The following CORO2B variants were observed in gnomAD, a reference collection of about 807,000 sequenced individuals.
The protein encoded by CORO2B is coronin-2B.
Under a neutral mutation model 58.8 loss-of-function variants are expected in CORO2B, and 26 were observed. The ratio of observed to expected loss-of-function variants is 0.44; its 90% CI spans 0.32 to 0.61. CORO2B has a LOEUF of 0.61. Ranked by LOEUF, CORO2B falls within the 20% of genes least tolerant of loss-of-function variation. The probability of loss-of-function intolerance (pLI) is 0.04; values close to 1 mark genes in which losing one functional copy is unlikely to be tolerated. For synonymous variants in CORO2B, 242 were observed against 253.8 expected (o/e 0.95, Z 0.44); for missense variants, 460 against 645.1 (o/e 0.71, Z 3.11).
intron 6 of CORO2B, 78 bp downstream of exon 6, chr15:68,714,119 G>A: frequency 1.2e-5 from 11 of 931,824 alleles, no homozygotes; most frequent in Non-Finnish European, 1.9e-5. Flanking sequence ...CAGAAAGTCA[G>A]GAGCCTGGGC....
rs1382094833 is a variant in CORO2B, at chr15:68,670,833, C to T, written c.217-24307C>T. ...TGCTGTCAGGGTTATAGGGAAATGG[C>T]CATTCTCTTGAGTTGCTGACAGGAG... On this transcript the variant is annotated intron_variant, in intron 2 of 11. Transcript: ENST00000261861. Among the ~76,000 whole-genome samples, 3 of 152,232 alleles carry T rather than the reference C, an allele frequency of 2.0e-5. No homozygotes were observed. In the East Asian group the frequency reaches 5.8e-4, roughly 29 times the overall value.
At chr15:68,552,945 TGAA>T in the CORO2B span, among the ~76,000 whole-genome samples, 4 of 152,306 alleles carry the variant, frequency 2.6e-5, no homozygotes, top group East Asian at 5.8e-4. Context: ...CTTTAGGTGG[TGAA>T]GAAGCCAGGG....
chr15:68,540,754 C>T, the CORO2B span, among the ~76,000 whole-genome samples: 1 of 152,030 alleles, frequency 6.6e-6, no homozygotes. Context: ...TTTTAAACTG[C>T]AAGTGCATGG....
At chr15:68,652,071 C>T (rs1399209652) in intron 2 of CORO2B, among the ~76,000 whole-genome samples, 7 of 152,164 alleles carry the variant, frequency 4.6e-5, no homozygotes, top group Non-Finnish European at 7.4e-5. Flanking sequence ...ACGGCACAGC[C>T]GGGCATACAG....
chr15:68,680,407 C>T (rs1902742333), intron 2 of CORO2B, among the ~76,000 whole-genome samples: 1 of 152,164 alleles, frequency 6.6e-6, no homozygotes, highest in African/African-American at 2.4e-5. Flanking sequence ...ATAAAGCAAA[C>T]AACGCAAGAC....
At chr15:68,584,467 G>A (rs1381145694) in intron 1 of CORO2B, among the ~76,000 whole-genome samples, 1 of 152,168 alleles carries the variant, frequency 6.6e-6, no homozygotes, top group East Asian at 1.9e-4. Flanking sequence ...GAGTTTGGCT[G>A]GTTGGGAGTG....
intron 1 of CORO2B, among the ~76,000 whole-genome samples, chr15:68,581,230 A>G (rs1270632114): frequency 6.6e-6 from 1 of 152,116 alleles, no homozygotes; most frequent in East Asian, 1.9e-4. Flanking sequence ...CCAGCCCCCA[A>G]CAAACCCTCC....
At chr15:68,561,263 T>G in the CORO2B span, among the ~76,000 whole-genome samples, 2 of 152,168 alleles carry the variant, frequency 1.3e-5, no homozygotes, top group Non-Finnish European at 2.9e-5. Context: ...TATGCCACGC[T>G]GGGCGGCCCC....
intron 1 of CORO2B, chr15:68,641,584 C>T: frequency 1.0e-6 from 1 of 985,368 alleles, no homozygotes; most frequent in Non-Finnish European, 1.2e-6. Flanking sequence ...ACCTGGGGAA[C>T]CTGGGGTAAG....
chr15:68,690,243 T>C (rs1892324908), intron 2 of CORO2B, among the ~76,000 whole-genome samples: 1 of 152,184 alleles, frequency 6.6e-6, no homozygotes, highest in African/African-American at 2.4e-5. Flanking sequence ...TCAGGGCCTT[T>C]TTTTCTCTGG....
At chr15:68,665,595 A>G (rs900675109) in intron 2 of CORO2B, among the ~76,000 whole-genome samples, 18 of 151,734 alleles carry the variant, frequency 1.2e-4, no homozygotes, top group African/African-American at 4.1e-4. Context: ...AATATCCATG[A>G]TCATAGTTTA....
the CORO2B span, among the ~76,000 whole-genome samples, chr15:68,550,184 C>T: frequency 7.2e-5 from 11 of 151,930 alleles, no homozygotes; most frequent in African/African-American, 9.7e-5. Flanking sequence ...TTGCCTGGGG[C>T]GAATTTGAAG....
At chr15:68,673,320 G>C (rs892095884) in intron 2 of CORO2B, among the ~76,000 whole-genome samples, 2 of 151,438 alleles carry the variant, frequency 1.3e-5, no homozygotes, top group African/African-American at 4.9e-5. Context: ...AGGATTGCTT[G>C]AGCCCAGGAG....
At chr15:68,662,197 G>A (rs1352739972) in intron 2 of CORO2B, among the ~76,000 whole-genome samples, 2 of 151,954 alleles carry the variant, frequency 1.3e-5, no homozygotes, top group Non-Finnish European at 2.9e-5. Flanking sequence ...ACCACCCTTT[G>A]CTGATGTTAA....
intron 3 of CORO2B, among the ~76,000 whole-genome samples, chr15:68,698,309 G>A (rs1368514189): frequency 6.6e-6 from 1 of 152,176 alleles, no homozygotes; most frequent in Non-Finnish European, 1.5e-5. Context: ...CTGTCTTGAT[G>A]TAGGGGGGAC....
At chr15:68,585,653 C>T (rs1566978009) in intron 1 of CORO2B, among the ~76,000 whole-genome samples, 1 of 152,196 alleles carries the variant, frequency 6.6e-6, no homozygotes, top group Non-Finnish European at 1.5e-5. Flanking sequence ...CAACCCCCCA[C>T]CTACAACACA....
At chr15:68,538,189 A>G in the CORO2B span, among the ~76,000 whole-genome samples, 5 of 152,184 alleles carry the variant, frequency 3.3e-5, no homozygotes, top group African/African-American at 1.2e-4. Context: ...ATTGATCCCA[A>G]TAATTTTTTC....
chr15:68,652,264 G>A (rs1901666759), intron 2 of CORO2B, among the ~76,000 whole-genome samples: 1 of 152,154 alleles, frequency 6.6e-6, no homozygotes, highest in Non-Finnish European at 1.5e-5. Context: ...TTAACATTCA[G>A]CTGCCAGCTC....
intron 2 of CORO2B, among the ~76,000 whole-genome samples, chr15:68,670,696 G>A (rs1370749631): frequency 6.6e-6 from 1 of 152,168 alleles, no homozygotes; most frequent in East Asian, 1.9e-4. Flanking sequence ...GCAAATATCT[G>A]CTAAGCAAAT....
Sources: allele counts gnomAD v4.1 joint callset (sites outside exome capture counted in the v4.1 genomes callset), GRCh38; gene constraint gnomAD v4.1.1; transcripts MANE v1.5; gene names NCBI Gene and HGNC (gene_info 2026-07-23, HGNC 2026-07-21).